Variants in ITGBL1 observed in about 807,000 individuals in gnomAD.
ITGBL1 encodes integrin subunit beta like 1.
ITGBL1 carries 51 observed loss-of-function variants against 68.5 expected under a neutral mutation model. The ratio of observed to expected loss-of-function variants is 0.74; its 90% CI spans 0.59 to 0.94. ITGBL1 has a LOEUF of 0.94. Among genes scored for constraint, ITGBL1 ranks in the 40% least tolerant of loss-of-function variants. The pLI is 0.00. For missense variants in ITGBL1, 649 were observed against 647.4 expected, an observed-to-expected ratio of 1.00 and a Z score of -0.03; for synonymous variants, 209 against 227.3, an observed-to-expected ratio of 0.92 and a Z score of 0.72.
intron 7 of ITGBL1, among the ~76,000 whole-genome samples, chr13:101,663,196 C>T (rs2033131223): frequency 6.6e-6 from 1 of 152,038 alleles, no homozygotes; most frequent in African/African-American, 2.4e-5. Flanking sequence ...TAGTAAATGT[C>T]TTTGGGAAAA....
chr13:101,589,204 T>G (rs2050609748), intron 6 of ITGBL1, among the ~76,000 whole-genome samples: 1 of 152,234 alleles, frequency 6.6e-6, no homozygotes, highest in Non-Finnish European at 1.5e-5. Flanking sequence ...GCAATACCAT[T>G]GTCGATACTA....
chr13:101,597,611 G>A (rs1246373577), intron 6 of ITGBL1, among the ~76,000 whole-genome samples: 1 of 151,684 alleles, frequency 6.6e-6, no homozygotes, highest in Non-Finnish European at 1.5e-5. Context: ...GAGTGCAGTG[G>A]CATGAACTTG....
At chr13:101,580,997 C>T (rs1023027011) in intron 5 of ITGBL1, among the ~76,000 whole-genome samples, 5 of 150,850 alleles carry the variant, frequency 3.3e-5, no homozygotes, top group Non-Finnish European at 7.4e-5. Flanking sequence ...CAGAAGTGGG[C>T]GCTGAGATGA....
At chr13:101,631,733 T>C (rs1232072077) in intron 7 of ITGBL1, among the ~76,000 whole-genome samples, 1 of 152,156 alleles carries the variant, frequency 6.6e-6, no homozygotes, top group African/African-American at 2.4e-5. Context: ...ATTTTATAGC[T>C]ACATAGAATA....
intron 6 of ITGBL1, among the ~76,000 whole-genome samples, chr13:101,596,903 G>T (rs2030005663): frequency 6.6e-6 from 1 of 152,072 alleles, no homozygotes; most frequent in Admixed American, 6.6e-5. Context: ...CAGGTTGTCA[G>T]GGATTGGGGA....
chr13:101,644,572 A>G (rs2032498166), intron 7 of ITGBL1, among the ~76,000 whole-genome samples: 1 of 152,214 alleles, frequency 6.6e-6, no homozygotes, highest in African/African-American at 2.4e-5. Flanking sequence ...AAAAAAGTAA[A>G]CAAAAGCTGC....
At chr13:101,520,436 C>T (rs944541209) in intron 2 of ITGBL1, among the ~76,000 whole-genome samples, 1 of 152,030 alleles carries the variant, frequency 6.6e-6, no homozygotes, top group East Asian at 1.9e-4. Flanking sequence ...GTGATAGTAG[C>T]CAATGATAGA....
At chr13:101,570,553 T>C (rs1218514898) in intron 3 of ITGBL1, among the ~76,000 whole-genome samples, 1 of 152,184 alleles carries the variant, frequency 6.6e-6, no homozygotes, top group Admixed American at 6.5e-5. Context: ...GATTGAAGCA[T>C]AATACAATTT....
At chr13:101,632,620 A>G (rs938699433) in intron 7 of ITGBL1, among the ~76,000 whole-genome samples, 4 of 152,218 alleles carry the variant, frequency 2.6e-5, no homozygotes, top group Admixed American at 2.6e-4. Context: ...ATATTACTCA[A>G]TAATAAAGAG....
In ITGBL1 at chr13:101,607,384, T is replaced by C. The variant is rs112763657; in HGVS notation, c.1015+9085T>C. ...TTACATGCCAATTTATTGGACAATATATATTAAACATATTTCCTGTTACAA... is the reference window on the plus strand; with the variant it reads ...TTACATGCCAATTTATTGGACAATACATATTAAACATATTTCCTGTTACAA... On this transcript the variant is annotated intron_variant, in intron 7 of 10. Transcript: ENST00000376180. 3.4e-3 allele frequency among the ~76,000 whole-genome samples: 520 copies of C among 152,172 alleles called. 4 individuals carry two copies. The highest frequency in any genetic ancestry group is 0.012 in the African/African-American group (496 of 41,562).
chr13:101,583,354 C>A lies in ITGBL1; in HGVS notation c.866C>A (p.Ser289Ter). ...GACCGATATTCTGATGACTTCTGTT[C>A]AGGTAAGGGCTCTTCCAATTCCTGT... ...VYDRYSDDFC[S>*]GHGQCNCGRC... Residue 289 changes from serine (S) to a stop codon, truncating the protein, a stop_gained and splice_region_variant, in exon 6 of 11, where the codon TCA becomes TAA. Transcript: ENST00000376180. LOFTEE classifies it high-confidence loss of function. 6.6e-7 allele frequency: 1 copy of A among 1,516,598 alleles called. No individual in the cohort carries two copies. The highest frequency in any genetic ancestry group is 8.8e-7 in the Non-Finnish European group (1 of 1,131,590). 93.9% of individuals were successfully genotyped at this position (1,516,598 alleles called of 1,614,324 possible).
At chr13:101,562,070 T>G (rs1359345385) in intron 2 of ITGBL1, among the ~76,000 whole-genome samples, 1 of 152,118 alleles carries the variant, frequency 6.6e-6, no homozygotes, top group Non-Finnish European at 1.5e-5. Flanking sequence ...GAGCTGGGAA[T>G]TTAATGTTTT....
chr13:101,621,519 G>T (rs1009287325), intron 7 of ITGBL1, among the ~76,000 whole-genome samples: 3 of 151,832 alleles, frequency 2.0e-5, no homozygotes, highest in Non-Finnish European at 2.9e-5. Context: ...ACTTAAAAAG[G>T]GATAAAGAAA....
chr13:101,539,255 A>G (rs9513913), intron 2 of ITGBL1, among the ~76,000 whole-genome samples: 115,075 of 143,760 alleles, frequency 0.8, 45,765 homozygotes, highest in African/African-American at 0.84. Context: ...TCCTGTGTCC[A>G]TGTGTTCTCA....
chr13:101,621,054 C>A (rs2031559574), intron 7 of ITGBL1, among the ~76,000 whole-genome samples: 1 of 152,112 alleles, frequency 6.6e-6, no homozygotes, highest in Admixed American at 6.6e-5. Flanking sequence ...TTCTTTATAT[C>A]ACCAGACAAG....
intron 7 of ITGBL1, among the ~76,000 whole-genome samples, chr13:101,629,210 G>T (rs1314689506): frequency 2.6e-5 from 4 of 151,984 alleles, no homozygotes; most frequent in Admixed American, 6.6e-5. Flanking sequence ...TCACTTTGGG[G>T]CAGCATACAC....
intron 2 of ITGBL1, among the ~76,000 whole-genome samples, chr13:101,524,656 CT>C (rs71121199): frequency 0.011 from 1,556 of 139,542 alleles, 58 homozygotes; most frequent in Admixed American, 0.071. Context: ...TATTCTTATT[CT>C]TTTTTTTTTT....
At chr13:101,700,556 T>C (rs1178524621) in intron 8 of ITGBL1, among the ~76,000 whole-genome samples, 1 of 152,230 alleles carries the variant, frequency 6.6e-6, no homozygotes, top group African/African-American at 2.4e-5. Flanking sequence ...GTAAACTATA[T>C]CGTCACATCA....
At chr13:101,558,177 A>C (rs925155128) in intron 2 of ITGBL1, among the ~76,000 whole-genome samples, 3 of 151,142 alleles carry the variant, frequency 2.0e-5, no homozygotes, top group African/African-American at 7.3e-5. Context: ...TTTATTGCAA[A>C]AGAGGTGGAG....
Sources: allele counts gnomAD v4.1 joint callset (sites outside exome capture counted in the v4.1 genomes callset), GRCh38; gene constraint gnomAD v4.1.1; transcripts MANE v1.5; gene names NCBI Gene and HGNC (gene_info 2026-07-23, HGNC 2026-07-21).